Variants in FNTB observed in about 807,000 individuals in gnomAD.
FNTB encodes farnesyltransferase, CAAX box, subunit beta, also known as protein farnesyltransferase subunit beta.
FNTB carries 27 observed loss-of-function variants against 59.4 expected under a neutral mutation model. The ratio of observed to expected loss-of-function variants is 0.45; its 90% confidence interval spans 0.34 to 0.63. The LOEUF (loss-of-function observed/expected upper bound fraction) is 0.63. Among genes scored for constraint, FNTB ranks in the 20% least tolerant of loss-of-function variants. The pLI is 0.02. For missense variants in FNTB, 449 were observed against 559.6 expected (o/e 0.80, Z 1.99); for synonymous variants, 230 against 220.7 (o/e 1.04, Z -0.37).
intron 9 of FNTB, among the ~76,000 whole-genome samples, chr14:65,048,506 A>T (rs1381196249): frequency 6.6e-6 from 1 of 152,180 alleles, no homozygotes; most frequent in Non-Finnish European, 1.5e-5. Context: ...CATGCCATTG[A>T]CTACCTTCTA....
In FNTB at chr14:65,012,320, T is replaced by A; in HGVS notation, c.213T>A (p.Leu71=). The part of the protein sequence containing the change: ...SYKFNHLVPR[L]VLQREKHFHY... ...TATAAACTGTTTGTCTTTCCAGGCT[T>A]GTTTTGCAGAGGGAGAAGCACTTCC... The change falls in exon 3 of 12, where the codon CTT becomes CTA. Residue 71 remains leucine (L), a synonymous_variant. Transcript: ENST00000246166. This position sits in a 1 kb window ranked among gnomAD's most constrained non-coding sequence, Gnocchi z 5.0. 3 of 1,614,138 alleles carry A rather than the reference T, an allele frequency of 1.9e-6. No homozygotes were observed. Among genetic ancestry groups the A allele is most frequent in the Non-Finnish European group, 2.5e-6 (3 of 1,179,972 alleles).
In FNTB at chr14:65,027,285, G is replaced by C; in HGVS notation, c.375-168G>C. 9.6e-7 allele frequency: 1 copy of C among 1,038,690 alleles called. No homozygotes were observed. The highest frequency in any genetic ancestry group is 1.4e-6 in the Non-Finnish European group (1 of 721,970). The allele number at this position is 1,038,690 out of a possible 1,614,324, so 64.3% of individuals were successfully genotyped here. ...ACAGAAATGATGATAGCTGGAGAGA[G>C]AATTAAGCCCTTTGGGGAGAGGTTA... On this transcript the variant is annotated intron_variant, in intron 4 of 11. Coordinates refer to ENST00000246166, the MANE Select transcript of FNTB (RefSeq NM_002028.4). The surrounding 1 kb of genome is among the most constrained non-coding windows in gnomAD (Gnocchi z 5.7).
intron 8 of FNTB, among the ~76,000 whole-genome samples, chr14:65,041,740 T>A (rs1464166948): frequency 6.6e-6 from 1 of 152,182 alleles, no homozygotes; most frequent in Non-Finnish European, 1.5e-5. Context: ...CGGTGTAGTC[T>A]TTTTAAAGAT....
At chr14:65,006,088 C>G in intron 2 of FNTB, 1 of 1,531,868 alleles carries the variant, frequency 6.5e-7, no homozygotes, top group Non-Finnish European at 8.8e-7. Context: ...CCTAGCAAGT[C>G]AGTCTCTAGG....
intron 7 of FNTB, among the ~76,000 whole-genome samples, chr14:65,033,373 T>C (rs1195398333): frequency 1.3e-5 from 2 of 152,202 alleles, no homozygotes; most frequent in Non-Finnish European, 2.9e-5. Context: ...ACACCAAATT[T>C]AGCATAGTGA....
At position 64,991,753 on chromosome 14, in the gene FNTB, G is replaced by C. The variant is rs72728222; in HGVS notation, c.144+4656G>C. Among the ~76,000 whole-genome samples, 13,718 of 152,160 alleles carry C rather than the reference G, an allele frequency of 0.09. 755 individuals are homozygous for C. The highest frequency in any genetic ancestry group is 0.15 in the Admixed American group (2,231 of 15,286). On this transcript the variant is annotated intron_variant, in intron 1 of 11. Coordinates refer to ENST00000246166, the MANE Select transcript of FNTB (RefSeq NM_002028.4). This position sits in a 1 kb window ranked among gnomAD's most constrained non-coding sequence, Gnocchi z 4.4. ...TTCATGGAGAACGTGGAACTGGGTG[G>C]GCTGTAAAAAATAGAGTTTGGGGCA...
intron 1 of FNTB, among the ~76,000 whole-genome samples, chr14:64,996,038 G>C (rs1232851766): frequency 4.0e-5 from 6 of 150,638 alleles, no homozygotes; most frequent in Non-Finnish European, 7.4e-5. Context: ...CAGGAGAATC[G>C]CTTGAACCTG....
At position 64,996,191 on chromosome 14, in the gene FNTB, C is replaced by T. The variant is rs189419407; in HGVS notation, c.145-8058C>T. Among the ~76,000 whole-genome samples, 517 of 151,774 alleles carry T rather than the reference C, an allele frequency of 3.4e-3. 5 individuals are homozygous for T. The highest frequency in any genetic ancestry group is 0.012 in the African/African-American group (489 of 41,372). On this transcript the variant is annotated intron_variant, in intron 1 of 11. Transcript: ENST00000246166. Reference sequence around the variant, plus strand: ...CTGGGCTGGGCACCGTGGCTCATGCCCGTGATCCCAGCACTTTGGGAGGCT... The same window carrying T: ...CTGGGCTGGGCACCGTGGCTCATGCTCGTGATCCCAGCACTTTGGGAGGCT...
chr14:65,007,319 T>C lies in FNTB; in HGVS notation c.209+3006T>C, dbSNP rs1443237648. 6.6e-6 allele frequency among the ~76,000 whole-genome samples: 1 copy of C among 152,252 alleles called. No homozygotes were observed. Among genetic ancestry groups the C allele is most frequent in the East Asian group, 1.9e-4 (1 of 5,208 alleles). Reference sequence around the variant, plus strand: ...AAGTAACCTTCACTGTTAGCTGAAGTGCATGGTTAGCTGTTAGCAGTAAAT... The same window carrying C: ...AAGTAACCTTCACTGTTAGCTGAAGCGCATGGTTAGCTGTTAGCAGTAAAT... On this transcript the variant is annotated intron_variant, in intron 2 of 11. Coordinates refer to ENST00000246166, the MANE Select transcript of FNTB (RefSeq NM_002028.4). This position sits in a 1 kb window ranked among gnomAD's most constrained non-coding sequence, Gnocchi z 4.9.
chr14:65,012,511 G>A lies in FNTB; in HGVS notation c.282+122G>A. On this transcript the variant is annotated intron_variant, in intron 3 of 11. Transcript: ENST00000246166. The surrounding 1 kb of genome is among the most constrained non-coding windows in gnomAD (Gnocchi z 5.0). ...TGCAGAGTCACTCTTTGTTCTCTGT[G>A]GCTCTGGCAGGAGGTAGGGTGCTGT... The A allele has an allele frequency of 7.6e-7, 1 of 1,319,440 alleles. No individual in the cohort carries two copies. The highest frequency in any genetic ancestry group is 1.0e-6 in the Non-Finnish European group (1 of 955,880). 81.7% of individuals were successfully genotyped at this position (1,319,440 alleles called of 1,614,324 possible). A position where few individuals can be genotyped will look rare whatever the true frequency, so the allele number is the denominator to read the frequency against.
At chr14:65,048,438 T>G (rs765693537) in intron 9 of FNTB, among the ~76,000 whole-genome samples, 1 of 152,194 alleles carries the variant, frequency 6.6e-6, no homozygotes, top group East Asian at 1.9e-4. Flanking sequence ...ATGCTCTACA[T>G]AGTGCAGCAC....
chr14:65,051,139 C>CT (rs2062599023), intron 9 of FNTB, among the ~76,000 whole-genome samples: 1 of 152,220 alleles, frequency 6.6e-6, no homozygotes, highest in African/African-American at 2.4e-5. Flanking sequence ...TCCTGTGTCT[C>CT]TTAATGGGTG....
In FNTB at chr14:65,018,107, C is replaced by T. The variant is rs536538605; in HGVS notation, c.374+2391C>T. Among the ~76,000 whole-genome samples the T allele has an allele frequency of 9.3e-4, 141 of 152,190 alleles. 8 individuals carry two copies. The South Asian group carries it at 0.024, about 26-fold the overall frequency. On this transcript the variant is annotated intron_variant, in intron 4 of 11. Transcript: ENST00000246166. ...CTGTAACCCCAGCACTTTGGGAGGC[C>T]ACGGTCAGAGGACCACTGGGGCCCA...
At position 65,002,414 on chromosome 14, in the gene FNTB, G is replaced by C. The variant is rs564138601; in HGVS notation, c.145-1835G>C. On this transcript the variant is annotated intron_variant, in intron 1 of 11. Transcript: ENST00000246166. ...ACCTGAGGTCAGGAGTTCGAGACCA[G>C]CCTGGCCAACATGGTGAAACCTCAT... 2.4e-3 allele frequency among the ~76,000 whole-genome samples: 359 copies of C among 152,236 alleles called. 4 individuals are homozygous for C. Among genetic ancestry groups the C allele is most frequent in the African/African-American group, 8.2e-3 (339 of 41,546 alleles).
At chr14:65,057,050 T>G (rs1352098377) in intron 11 of FNTB, among the ~76,000 whole-genome samples, 1 of 152,152 alleles carries the variant, frequency 6.6e-6, no homozygotes, top group Non-Finnish European at 1.5e-5. Context: ...CCTCAAGGAC[T>G]AATCCAGACT....
intron 1 of FNTB, among the ~76,000 whole-genome samples, chr14:64,998,002 C>T (rs1478361575): frequency 6.6e-6 from 1 of 152,160 alleles, no homozygotes; most frequent in African/African-American, 2.4e-5. Context: ...CTCCTACAGT[C>T]ATGTTTTGAG....
At chr14:65,053,625 T>TAAAAAAAAACAAAA (rs201558638) in intron 10 of FNTB, among the ~76,000 whole-genome samples, 2,186 of 146,138 alleles carry the variant, frequency 0.015, 21 homozygotes, top group South Asian at 0.047. Context: ...CTTCTTTTTT[T>TAAAAAAAAACAAAA]TAAAAAAAAC....
Position 64,994,326 on chromosome 14 carries a change from A to G in FNTB, c.144+7229A>G, listed in dbSNP as rs182630928. 6.6e-6 allele frequency among the ~76,000 whole-genome samples: 1 copy of G among 152,318 alleles called. No homozygotes were observed. The highest frequency in any genetic ancestry group is 2.1e-4 in the South Asian group (1 of 4,826). On this transcript the variant is annotated intron_variant, in intron 1 of 11. Transcript: ENST00000246166. This position sits in a 1 kb window ranked among gnomAD's most constrained non-coding sequence, Gnocchi z 4.2. The stretch of plus-strand genomic sequence containing the variant: ...TCCCTGGCCCCTAGAGTCTAACACA[A>G]TCTCTCCATTACTGAACAATACAAA...
At position 65,054,788 on chromosome 14, in the gene FNTB, A is replaced by T; in HGVS notation, c.1182+99A>T. The T allele has an allele frequency of 7.5e-7, 1 of 1,335,738 alleles. No individual in the cohort carries two copies. The highest frequency in any genetic ancestry group is 1.0e-6 in the Non-Finnish European group (1 of 968,070). The allele number at this position is 1,335,738 out of a possible 1,614,324, so 82.7% of individuals were successfully genotyped here. A position where few individuals can be genotyped will look rare whatever the true frequency, so the allele number is the denominator to read the frequency against. On this transcript the variant is annotated intron_variant, in intron 11 of 11. Coordinates refer to ENST00000246166, the MANE Select transcript of FNTB (RefSeq NM_002028.4). This position sits in a 1 kb window ranked among gnomAD's most constrained non-coding sequence, Gnocchi z 4.4. ...AACTGGCTCTGCATTTCCTGTGTGG[A>T]CAGGCGGAAGCTTGTGGTCCCTCTG...
Sources: gnomAD v4.1 joint callset for allele counts (sites outside exome capture counted in the v4.1 genomes callset) on GRCh38, gnomAD v4.1.1 for gene constraint, Gnocchi (gnomAD v3.1) non-coding constraint, MANE v1.5 for transcripts, NCBI Gene and HGNC (gene_info 2026-07-23, HGNC 2026-07-21) for gene names.